Variants in ZFYVE9 observed in about 807,000 individuals in gnomAD.
The protein encoded by ZFYVE9 is zinc finger FYVE domain-containing protein 9.
Under a neutral mutation model 126.7 loss-of-function variants are expected in ZFYVE9, and 43 were observed. That is an observed-to-expected ratio of 0.34 (90% CI 0.27 to 0.44). The LOEUF is 0.44. Ranked by LOEUF, ZFYVE9 falls within the 20% of genes least tolerant of loss-of-function variation. The pLI is 1.00. For missense variants in ZFYVE9, 1,476 were observed against 1,697.0 expected, an observed-to-expected ratio of 0.87 and a Z score of 2.29; for synonymous variants, 521 against 597.4, an observed-to-expected ratio of 0.87 and a Z score of 1.87.
chr1:52,292,900 TG>T (rs1645936579), intron 10 of ZFYVE9, among the ~76,000 whole-genome samples: 2 of 152,230 alleles, frequency 1.3e-5, no homozygotes, highest in South Asian at 4.1e-4. Context: ...ACTTCAACAA[TG>T]TGATAATATA....
At chr1:52,301,391 C>T (rs533275427) in intron 12 of ZFYVE9, among the ~76,000 whole-genome samples, 9 of 149,610 alleles carry the variant, frequency 6.0e-5, no homozygotes, top group African/African-American at 2.2e-4. Context: ...ACCCTTGACC[C>T]ACAGGGCTCA....
chr1:52,284,028 TA>T (rs1311204895), intron 10 of ZFYVE9, among the ~76,000 whole-genome samples: 1 of 152,114 alleles, frequency 6.6e-6, no homozygotes, highest in African/African-American at 2.4e-5. Context: ...TAACTGGATA[TA>T]GGGGGTTAGA....
Position 52,344,779 on chromosome 1 carries a change from A to G in ZFYVE9, c.3951A>G (p.Leu1317=), listed in dbSNP as rs1646469163. 6 of 1,613,470 alleles carry G rather than the reference A, an allele frequency of 3.7e-6. No individual in the cohort carries two copies. The highest frequency in any genetic ancestry group is 5.1e-6 in the Non-Finnish European group (6 of 1,179,730). Residue 1317 remains leucine, a synonymous_variant, in exon 18 of 19, where the codon CTA becomes CTG. Coordinates refer to ENST00000287727, the MANE Select transcript of ZFYVE9 (RefSeq NM_004799.4). ...KVIRWTEVFF[L]ENDDQHNCLS... is the part of the protein sequence containing the mutation. ...TGTTTGGGGAACAGGTGTTTTTCCT[A>G]GAAAACGATGACCAGCACAATTGCC...
chr1:52,230,256 A>G (rs1645206245), intron 2 of ZFYVE9, among the ~76,000 whole-genome samples: 1 of 152,150 alleles, frequency 6.6e-6, no homozygotes, highest in African/African-American at 2.4e-5. Flanking sequence ...ACAGGCTCCC[A>G]TCTCACAGAT....
At chr1:52,320,178 C>G (rs1646225973) in intron 13 of ZFYVE9, among the ~76,000 whole-genome samples, 1 of 151,738 alleles carries the variant, frequency 6.6e-6, no homozygotes, top group African/African-American at 2.4e-5. Context: ...TCAAGTGATT[C>G]TCCTGCCTCA....
chr1:52,251,176 ATTC>A (rs368645920), intron 4 of ZFYVE9, among the ~76,000 whole-genome samples: 130 of 152,092 alleles, frequency 8.5e-4, no homozygotes, highest in African/African-American at 2.7e-3. Context: ...GGTTCAAGCA[ATTC>A]TTCTTCTTCA....
intron 4 of ZFYVE9, among the ~76,000 whole-genome samples, chr1:52,257,340 G>A (rs1435129464): frequency 2.0e-5 from 3 of 152,252 alleles, no homozygotes; most frequent in East Asian, 1.9e-4. Context: ...AAGACCTAGA[G>A]AGTTTAAATT....
chr1:52,247,462 CATT>C (rs544002383), intron 4 of ZFYVE9, among the ~76,000 whole-genome samples: 2 of 152,084 alleles, frequency 1.3e-5, no homozygotes, highest in Non-Finnish European at 2.9e-5. Context: ...CATGCATTCA[CATT>C]GTTGTTGTAC....
chr1:52,338,247 T>C (rs1179153834), intron 16 of ZFYVE9, among the ~76,000 whole-genome samples: 1 of 152,242 alleles, frequency 6.6e-6, no homozygotes, highest in African/African-American at 2.4e-5. Flanking sequence ...AACATTGTTT[T>C]GTTTGATACA....
intron 1 of ZFYVE9, among the ~76,000 whole-genome samples, chr1:52,190,808 C>G (rs1182714063): frequency 6.6e-6 from 1 of 152,180 alleles, no homozygotes; most frequent in Non-Finnish European, 1.5e-5. Context: ...TATTTCTTGA[C>G]TTTCCCTAGA....
At chr1:52,305,505 C>G (rs1646074649) in intron 13 of ZFYVE9, among the ~76,000 whole-genome samples, 1 of 152,160 alleles carries the variant, frequency 6.6e-6, no homozygotes, top group Non-Finnish European at 1.5e-5. Context: ...GCATCAGTGG[C>G]CTGTCTGGAG....
intron 17 of ZFYVE9, 120 bp downstream of exon 17, chr1:52,340,351 T>C (rs1175663343): frequency 2.8e-6 from 2 of 717,764 alleles, no homozygotes; most frequent in Non-Finnish European, 4.7e-6. Context: ...GAAAAATCTT[T>C]CTCGTTTATA....
intron 1 of ZFYVE9, among the ~76,000 whole-genome samples, chr1:52,189,680 G>GTTT (rs35301412): frequency 3.4e-5 from 5 of 146,282 alleles, no homozygotes; most frequent in Non-Finnish European, 4.5e-5. Context: ...GCCTTAGGTT[G>GTTT]TTTTTTTTTT....
chr1:52,306,053 G>T (rs1385042900), intron 13 of ZFYVE9, among the ~76,000 whole-genome samples: 1 of 152,158 alleles, frequency 6.6e-6, no homozygotes, highest in African/African-American at 2.4e-5. Context: ...AGCAGAAGAG[G>T]CCAGGTCCCC....
chr1:52,195,825 C>T (rs1644854631), intron 1 of ZFYVE9, among the ~76,000 whole-genome samples: 1 of 151,484 alleles, frequency 6.6e-6, no homozygotes, highest in South Asian at 2.1e-4. Flanking sequence ...CAGAGTCTCA[C>T]TCTGTCGCCC....
chr1:52,323,110 G>T (rs1193215107), intron 13 of ZFYVE9, among the ~76,000 whole-genome samples: 2 of 152,064 alleles, frequency 1.3e-5, no homozygotes, highest in African/African-American at 2.4e-5. Flanking sequence ...GGCCCTCTGT[G>T]ACCTCATTTT....
chr1:52,290,784 TA>T (rs1645912118), intron 10 of ZFYVE9, among the ~76,000 whole-genome samples: 1 of 152,230 alleles, frequency 6.6e-6, no homozygotes. Flanking sequence ...AATATATGTA[TA>T]TTTGCATTAG....
Position 52,281,541 on chromosome 1 carries a change from A to T in ZFYVE9, c.2870-120A>T, listed in dbSNP as rs1645805520. ...GTGACAGTTCACAGTTGAATTATAC[A>T]GACTCAGTGTGATCTATTTTAATCT... On this transcript the variant is annotated intron_variant, in intron 9 of 18. Coordinates refer to ENST00000287727, the MANE Select transcript of ZFYVE9 (RefSeq NM_004799.4). 16 of 1,142,052 alleles carry T rather than the reference A, an allele frequency of 1.4e-5. No individual in the cohort carries two copies. In the South Asian group the frequency reaches 2.5e-4, roughly 18 times the overall value. The allele number at this position is 1,142,052 out of a possible 1,614,324, so 70.7% of individuals were successfully genotyped here.
chr1:52,326,199 A>G (rs1468408740), intron 13 of ZFYVE9, among the ~76,000 whole-genome samples: 1 of 152,224 alleles, frequency 6.6e-6, no homozygotes, highest in African/African-American at 2.4e-5. Context: ...GTCATTCTCA[A>G]TAATTTGTAA....
Sources: gnomAD v4.1 joint callset for allele counts (sites outside exome capture counted in the v4.1 genomes callset) on GRCh38, gnomAD v4.1.1 for gene constraint, MANE v1.5 for transcripts, NCBI Gene and HGNC (gene_info 2026-07-23, HGNC 2026-07-21) for gene names.